PHACTR3: variants seen among roughly 807,000 people sequenced by gnomAD.
PHACTR3 encodes the protein phosphatase and actin regulator 3.
In PHACTR3, 16 loss-of-function variants were observed where a neutral mutation model predicts 66.8. That is an observed-to-expected ratio of 0.24 (90% CI 0.16 to 0.36). PHACTR3 has a LOEUF of 0.36. Among genes scored for constraint, PHACTR3 ranks in the 10% least tolerant of loss-of-function variants. PHACTR3 has a pLI of 1.00. For synonymous variants in PHACTR3, 323 were observed against 292.1 expected, an observed-to-expected ratio of 1.11 and a Z score of -1.08; for missense variants, 647 against 719.9, an observed-to-expected ratio of 0.90 and a Z score of 1.16.
chr20:59,701,748 T>G (rs2037513534), intron 1 of PHACTR3, among the ~76,000 whole-genome samples: 1 of 152,244 alleles, frequency 6.6e-6, no homozygotes, highest in South Asian at 2.1e-4. Context: ...GTCCACAGTT[T>G]ACATCAGGGC....
At chr20:59,681,496 GCCTCAC>G (rs1294249669) in intron 1 of PHACTR3, among the ~76,000 whole-genome samples, 1 of 152,080 alleles carries the variant, frequency 6.6e-6, no homozygotes, top group Non-Finnish European at 1.5e-5. Context: ...TTCAACATTT[GCCTCAC>G]CCACTTGGCA....
intron 1 of PHACTR3, among the ~76,000 whole-genome samples, chr20:59,641,754 A>C (rs2035109693): frequency 6.6e-6 from 1 of 152,232 alleles, no homozygotes; most frequent in African/African-American, 2.4e-5. Context: ...ATTTGTGTAT[A>C]TATAATATAT....
chr20:59,577,924 G>T (rs556637540), intron 1 of PHACTR3, among the ~76,000 whole-genome samples: 1 of 152,270 alleles, frequency 6.6e-6, no homozygotes. Context: ...CGCTGTATGA[G>T]CCTGTGCGCA....
chr20:59,594,967 C>T (rs895090644), intron 1 of PHACTR3, among the ~76,000 whole-genome samples: 14 of 152,138 alleles, frequency 9.2e-5, no homozygotes, highest in African/African-American at 1.9e-4. Context: ...ACAGCACCCA[C>T]GAATTTTGAT....
At chr20:59,663,740 T>A (rs1333021571) in intron 1 of PHACTR3, among the ~76,000 whole-genome samples, 1 of 152,190 alleles carries the variant, frequency 6.6e-6, no homozygotes, top group Non-Finnish European at 1.5e-5. Flanking sequence ...TCGAGCTGTG[T>A]GGCCTTGAGG....
At chr20:59,725,068 C>G (rs1437132044) in intron 1 of PHACTR3, among the ~76,000 whole-genome samples, 2 of 151,170 alleles carry the variant, frequency 1.3e-5, no homozygotes, top group South Asian at 2.1e-4. Flanking sequence ...GGCTGTGAAC[C>G]CAGGTGTGCT....
Position 59,812,050 on chromosome 20 carries a change from T to C in PHACTR3, c.1328+5856T>C, listed in dbSNP as rs578082952. ...ACGGGGCAGAGGCCAGCAGCAGGCC[T>C]TGTGGCAGGATGAAATGAATGCTGC... On this transcript the variant is annotated intron_variant, in intron 8 of 12. Coordinates refer to ENST00000371015, the MANE Select transcript of PHACTR3 (RefSeq NM_080672.5). Among the ~76,000 whole-genome samples, 9 of 152,360 alleles carry C rather than the reference T, an allele frequency of 5.9e-5. No homozygotes were observed. In the East Asian group the frequency reaches 9.6e-4, roughly 16 times the overall value.
intron 7 of PHACTR3, among the ~76,000 whole-genome samples, chr20:59,775,424 G>A (rs1391807422): frequency 3.3e-5 from 5 of 152,278 alleles, no homozygotes; most frequent in South Asian, 2.1e-4. Flanking sequence ...ATCAGATGTC[G>A]GTGCTGACCC....
Position 59,810,200 on chromosome 20 carries a change from G to A in PHACTR3, c.1328+4006G>A, listed in dbSNP as rs372908177. Among the ~76,000 whole-genome samples the A allele has an allele frequency of 1.6e-4, 25 of 152,372 alleles. 1 individual carries two copies. The South Asian group carries it at 2.1e-3, about 13-fold the overall frequency. ...TGGGGTCCCCACCGCCGACTGTGAA[G>A]GTTGAGAGGAAGTTGGGAGAAGGTT... On this transcript the variant is annotated intron_variant, in intron 8 of 12. Coordinates refer to ENST00000371015, the MANE Select transcript of PHACTR3 (RefSeq NM_080672.5).
At chr20:59,750,501 C>T (rs1017876691) in intron 3 of PHACTR3, among the ~76,000 whole-genome samples, 1 of 152,080 alleles carries the variant, frequency 6.6e-6, no homozygotes, top group Non-Finnish European at 1.5e-5. Context: ...GCACAAGTCC[C>T]CGCGGTGGAA....
intron 7 of PHACTR3, among the ~76,000 whole-genome samples, chr20:59,790,735 G>A (rs1401966742): frequency 6.6e-6 from 1 of 152,226 alleles, no homozygotes; most frequent in South Asian, 2.1e-4. Context: ...AATTAAGTGG[G>A]AGTCTGTAAA....
intron 1 of PHACTR3, among the ~76,000 whole-genome samples, chr20:59,697,200 G>T (rs12624480): frequency 2.0e-5 from 3 of 152,162 alleles, no homozygotes; most frequent in Non-Finnish European, 4.4e-5. Flanking sequence ...TTGACCAGGA[G>T]CCCAGCAGCC....
chr20:59,634,057 C>T (rs1031025129), intron 1 of PHACTR3, among the ~76,000 whole-genome samples: 1 of 152,208 alleles, frequency 6.6e-6, no homozygotes, highest in Admixed American at 6.5e-5. Flanking sequence ...GTTCTGCTTA[C>T]TCCGTCACTG....
At chr20:59,806,681 T>C (rs900900252) in intron 8 of PHACTR3, among the ~76,000 whole-genome samples, 3 of 152,218 alleles carry the variant, frequency 2.0e-5, no homozygotes, top group Admixed American at 1.3e-4. Flanking sequence ...CACACAGTTA[T>C]GCAGTCACGT....
In PHACTR3 at chr20:59,785,901, T is replaced by TTCC. The variant is rs1555841781; in HGVS notation, c.1174+11411_1174+11412insTCC. 1.7e-3 allele frequency among the ~76,000 whole-genome samples: 6 copies of TTCC among 3,448 alleles called. No individual in the cohort carries two copies. In the East Asian group the frequency reaches 0.074, roughly 43 times the overall value. The allele number at this position is 3,448 out of a possible 152,430, so 2.3% of individuals were successfully genotyped here. A position where few individuals can be genotyped will look rare whatever the true frequency, so the allele number is the denominator to read the frequency against. ...ACTTCATTTTGTTTTCCAACGGCCCTCTGCATCCCCTGCTTCTGGTTTTCC... is the reference window on the plus strand; with the variant it reads ...ACTTCATTTTGTTTTCCAACGGCCCTTCCCTGCATCCCCTGCTTCTGGTTTTCC... On this transcript the variant is annotated intron_variant, in intron 7 of 12. Coordinates refer to ENST00000371015, the MANE Select transcript of PHACTR3 (RefSeq NM_080672.5).
At chr20:59,598,692 A>G (rs1415218575) in intron 1 of PHACTR3, among the ~76,000 whole-genome samples, 1 of 152,204 alleles carries the variant, frequency 6.6e-6, no homozygotes, top group African/African-American at 2.4e-5. Flanking sequence ...GTCTCTGGTC[A>G]CAGCTCTAGG....
At chr20:59,781,233 A>ACAAGGG (rs2040714107) in intron 7 of PHACTR3, among the ~76,000 whole-genome samples, 1 of 152,180 alleles carries the variant, frequency 6.6e-6, no homozygotes, top group Non-Finnish European at 1.5e-5. Context: ...TTAGCAAGGG[A>ACAAGGG]CAAGGGCAAG....
Position 59,767,133 on chromosome 20 carries a change from C to T in PHACTR3, c.542-53C>T, listed in dbSNP as rs2040204742. 6 of 1,584,672 alleles carry T rather than the reference C, an allele frequency of 3.8e-6. No homozygotes were observed. In the South Asian group the frequency reaches 6.8e-5, roughly 18 times the overall value. On this transcript the variant is annotated intron_variant, in intron 4 of 12. Transcript: ENST00000371015. The stretch of plus-strand genomic sequence containing the variant: ...CCCTCTTGCTTTGCTCTCTTACTTC[C>T]ACTGCTGTCAGAGGAAACATGTTTT...
chr20:59,623,234 A>G (rs939947245), intron 1 of PHACTR3, among the ~76,000 whole-genome samples: 1 of 151,848 alleles, frequency 6.6e-6, no homozygotes, highest in African/African-American at 2.4e-5. Flanking sequence ...TGGGGCAGGT[A>G]TGTCGGCTCC....
Sources: allele counts gnomAD v4.1 joint callset (sites outside exome capture counted in the v4.1 genomes callset), GRCh38; gene constraint gnomAD v4.1.1; transcripts MANE v1.5; gene names NCBI Gene and HGNC (gene_info 2026-07-23, HGNC 2026-07-21).